The following LRBA variants were observed in gnomAD, a reference collection of about 807,000 sequenced individuals.
The protein encoded by LRBA is LPS responsive beige-like anchor protein.
In LRBA, 176 loss-of-function variants were observed where a neutral mutation model predicts 330.0. That is an observed-to-expected ratio of 0.53 (90% CI 0.47 to 0.60). The LOEUF (loss-of-function observed/expected upper bound fraction) is 0.60. Ranked by LOEUF, LRBA falls within the 20% of genes least tolerant of loss-of-function variation. The probability of loss-of-function intolerance (pLI) is 0.00; values close to 1 mark genes in which losing one functional copy is unlikely to be tolerated. For missense variants in LRBA, 3,259 were observed against 3,444.8 expected (o/e 0.95, Z 1.35); for synonymous variants, 1,230 against 1,193.0 (o/e 1.03, Z -0.64).
At chr4:150,706,197 T>C (rs1463362238) in intron 36 of LRBA, among the ~76,000 whole-genome samples, 1 of 151,878 alleles carries the variant, frequency 6.6e-6, no homozygotes, top group Non-Finnish European at 1.5e-5. Context: ...GACCTATTAG[T>C]ATCAAAACAC....
At chr4:150,483,428 TTAAAC>T (rs956893706) in intron 42 of LRBA, among the ~76,000 whole-genome samples, 4 of 152,004 alleles carry the variant, frequency 2.6e-5, no homozygotes, top group Non-Finnish European at 5.9e-5. Context: ...TCAAAATTGT[TTAAAC>T]TATTCTGGAT....
chr4:150,612,797 C>T (rs1003422204), intron 37 of LRBA, among the ~76,000 whole-genome samples: 1 of 151,954 alleles, frequency 6.6e-6, no homozygotes, highest in Non-Finnish European at 1.5e-5. Flanking sequence ...AATAAGCAAA[C>T]AAAAAATTAT....
At position 150,286,090 on chromosome 4, in the gene LRBA, TAATC is replaced by T. The variant is rs889511472; in HGVS notation, c.8018-60_8018-57del. The stretch of plus-strand genomic sequence containing the variant: ...TCAATTCAATTTCATGCATATTAAA[TAATC>T]AACAACTTGCTCCTAATTTCCATCA... On this transcript the variant is annotated intron_variant, in intron 53 of 56. Transcript: ENST00000651943. 34 of 1,197,630 alleles carry T rather than the reference TAATC, an allele frequency of 2.8e-5. 1 individual carries two copies. Among genetic ancestry groups the T allele is most frequent in the Middle Eastern group, 1.9e-4 (1 of 5,220 alleles). The allele number at this position is 1,197,630 out of a possible 1,614,324, so 74.2% of individuals were successfully genotyped here.
chr4:150,409,715 A>G (rs983172765), intron 47 of LRBA, among the ~76,000 whole-genome samples: 3 of 152,166 alleles, frequency 2.0e-5, no homozygotes, highest in Non-Finnish European at 4.4e-5. Context: ...GACTTTATAA[A>G]TAAATGTGGG....
chr4:150,415,622 T>G, intron 46 of LRBA, 32 bp from the exon 47 acceptor site: 2 of 1,314,300 alleles, frequency 1.5e-6, no homozygotes, highest in Non-Finnish European at 2.2e-6. Flanking sequence ...TGTGATATTA[T>G]AAACTGTAGG....
intron 42 of LRBA, among the ~76,000 whole-genome samples, chr4:150,476,142 G>T (rs1490193847): frequency 6.6e-6 from 1 of 151,886 alleles, no homozygotes; most frequent in African/African-American, 2.4e-5. Context: ...TTTTCTACTT[G>T]CTTTGCATTT....
intron 43 of LRBA, among the ~76,000 whole-genome samples, chr4:150,469,954 G>A (rs775998903): frequency 6.6e-5 from 10 of 152,060 alleles, no homozygotes; most frequent in Non-Finnish European, 1.2e-4. Flanking sequence ...AGGTAGAGGC[G>A]GGCAGATAAC....
chr4:150,850,676 T>C, intron 24 of LRBA, 48 bp downstream of exon 24: 2 of 1,138,374 alleles, frequency 1.8e-6, no homozygotes, highest in Non-Finnish European at 2.5e-6. Context: ...TCTTTGAAAA[T>C]AAAGACTAGG....
Position 150,821,609 on chromosome 4 carries a change from T to C in LRBA, c.5172-4352A>G, listed in dbSNP as rs902367738. On this transcript the variant is annotated intron_variant, in intron 30 of 56. Transcript: ENST00000651943. The stretch of plus-strand genomic sequence containing the variant: ...TGAGAACTTCCATTTCAGTATTATA[T>C]CAGTTTCAAATATCACAAACCCTCA... Among the ~76,000 whole-genome samples, 4 of 152,100 alleles carry C rather than the reference T, an allele frequency of 2.6e-5. No homozygotes were observed. In the East Asian group the frequency reaches 7.7e-4, roughly 29 times the overall value.
intron 32 of LRBA, 32 bp from the exon 33 acceptor site, chr4:150,806,436 T>G (rs964191432): frequency 1.5e-5 from 21 of 1,439,954 alleles, no homozygotes; most frequent in Non-Finnish European, 1.9e-5. Context: ...ACTTGAACTA[T>G]TCAACAGATT....
At chr4:150,354,405 T>C (rs1453025338) in intron 47 of LRBA, among the ~76,000 whole-genome samples, 2 of 152,076 alleles carry the variant, frequency 1.3e-5, no homozygotes, top group Non-Finnish European at 2.9e-5. Context: ...AGCTAGGGGA[T>C]AGTAACATTC....
intron 37 of LRBA, among the ~76,000 whole-genome samples, chr4:150,661,338 A>G (rs1004484443): frequency 2.4e-4 from 37 of 151,522 alleles, no homozygotes; most frequent in Admixed American, 7.9e-4. Context: ...GCAGGCACCT[A>G]TAATCCCAGC....
intron 37 of LRBA, among the ~76,000 whole-genome samples, chr4:150,619,032 T>G (rs1776052415): frequency 6.6e-6 from 1 of 151,972 alleles, no homozygotes; most frequent in South Asian, 2.1e-4. Context: ...CAGCCATACC[T>G]GGAAAAAATG....
chr4:150,596,998 A>G (rs1050558746), intron 38 of LRBA: 5 of 669,632 alleles, frequency 7.5e-6, no homozygotes, highest in African/African-American at 1.9e-5. Context: ...TTTTAAACAT[A>G]TATTTCAAAC....
At position 150,415,498 on chromosome 4, in the gene LRBA, A is replaced by AGAC. The variant is rs1290742197; in HGVS notation, c.7131_7133dup (p.Ser2378dup). 2.5e-6 allele frequency: 4 copies of AGAC among 1,611,576 alleles called. No homozygotes were observed. The Admixed American group carries it at 6.7e-5, about 27-fold the overall frequency. Reference sequence around the variant, plus strand: ...TGGCCCAAGGAGGAAGTTCGACATCAGACACTACTGTCCCATCATCCATCA... The same window carrying AGAC: ...TGGCCCAAGGAGGAAGTTCGACATCAGACGACACTACTGTCCCATCATCCATCA... On this transcript the variant is annotated inframe_insertion, in exon 47 of 57. Transcript: ENST00000651943.
intron 49 of LRBA, among the ~76,000 whole-genome samples, chr4:150,325,021 A>C (rs1033564697): frequency 6.6e-6 from 1 of 152,054 alleles, no homozygotes; most frequent in Admixed American, 6.6e-5. Context: ...TTCTGGGCTG[A>C]CTTTTGACTT....
intron 33 of LRBA, among the ~76,000 whole-genome samples, chr4:150,803,081 T>TATAC (rs1553964904): frequency 1.8e-5 from 2 of 110,992 alleles, no homozygotes; most frequent in African/African-American, 7.6e-5. Flanking sequence ...AAAAAATATA[T>TATAC]ATACACACAC....
At chr4:150,998,954 C>T (rs1743018076) in intron 2 of LRBA, among the ~76,000 whole-genome samples, 1 of 152,216 alleles carries the variant, frequency 6.6e-6, no homozygotes, top group Non-Finnish European at 1.5e-5. Context: ...TATATTTATT[C>T]AATGGCTATC....
intron 49 of LRBA, among the ~76,000 whole-genome samples, chr4:150,322,083 G>A (rs988593067): frequency 1.3e-5 from 2 of 152,142 alleles, no homozygotes; most frequent in Admixed American, 6.6e-5. Flanking sequence ...ACTGCTTTCT[G>A]CTGTAGCTAG....
Sources: gnomAD v4.1 joint callset for allele counts (sites outside exome capture counted in the v4.1 genomes callset) on GRCh38, gnomAD v4.1.1 for gene constraint, MANE v1.5 for transcripts, NCBI Gene and HGNC (gene_info 2026-07-23, HGNC 2026-07-21) for gene names.